Variants in TAPBPL observed in about 807,000 individuals in gnomAD.
TAPBPL encodes the protein TAP binding protein like.
A neutral mutation model predicts 44.8 loss-of-function variants in TAPBPL; 32 were observed. The ratio of observed to expected loss-of-function variants is 0.71; its 90% CI spans 0.54 to 0.96. The LOEUF (loss-of-function observed/expected upper bound fraction) is 0.96. Ranked by LOEUF, TAPBPL falls within the 40% of genes least tolerant of loss-of-function variation. The pLI, the probability that TAPBPL is intolerant of heterozygous loss-of-function variation, is 0.00. For synonymous variants in TAPBPL, 230 were observed against 240.7 expected, an observed-to-expected ratio of 0.96 and a Z score of 0.41; for missense variants, 520 against 586.6, an observed-to-expected ratio of 0.89 and a Z score of 1.17.
chr12:6,454,599 C>T (rs1414798280), intron 3 of TAPBPL, among the ~76,000 whole-genome samples: 2 of 152,150 alleles, frequency 1.3e-5, no homozygotes, highest in African/African-American at 4.8e-5. Flanking sequence ...CACTGGGCTG[C>T]CATGAGGAAA....
downstream of TAPBPL, chr12:6,467,201 T>C (rs1192949957): frequency 6.2e-6 from 1 of 162,574 alleles, no homozygotes; most frequent in African/African-American, 2.4e-5. Context: ...ACCAGTAGAG[T>C]GGGGTGTTGC....
downstream of TAPBPL, among the ~76,000 whole-genome samples, chr12:6,469,471 T>G (rs147277928): frequency 3.9e-3 from 593 of 152,354 alleles, 1 homozygote; most frequent in Non-Finnish European, 5.1e-3. Flanking sequence ...AACACTCATA[T>G]CTGGTTAAAA....
chr12:6,458,993 T>C (rs1339101502), intron 5 of TAPBPL, 46 bp downstream of exon 5: 11 of 1,582,650 alleles, frequency 7.0e-6, no homozygotes, highest in Non-Finnish European at 8.6e-6. Context: ...CTAGGGCTCA[T>C]GGCTCTCCTG....
chr12:6,469,193 C>T (rs1945706601), downstream of TAPBPL, among the ~76,000 whole-genome samples: 1 of 152,162 alleles, frequency 6.6e-6, no homozygotes, highest in South Asian at 2.1e-4. Context: ...TCATGGGAGC[C>T]ACAAGACTCT....
chr12:6,452,349 G>A (rs1283885513), intron 1 of TAPBPL, 37 bp downstream of exon 1: 1 of 1,557,360 alleles, frequency 6.4e-7, no homozygotes, highest in Non-Finnish European at 8.7e-7. Context: ...GCTGGGAGAA[G>A]AGCTACTGAA....
chr12:6,465,934 C>T, downstream of TAPBPL: 1 of 1,614,256 alleles, frequency 6.2e-7, no homozygotes. Flanking sequence ...GCTCGGTCAT[C>T]CAGCTCTGAC....
downstream of TAPBPL, chr12:6,465,842 C>T: frequency 1.2e-6 from 2 of 1,613,958 alleles, no homozygotes; most frequent in Non-Finnish European, 1.7e-6. Context: ...GAAAATTCAC[C>T]TTGCAGTTTT....
At chr12:6,470,024 C>G (rs532893795), downstream of TAPBPL, among the ~76,000 whole-genome samples, 1 of 152,290 alleles carries the variant, frequency 6.6e-6, no homozygotes, top group African/African-American at 2.4e-5. Context: ...TGCAGCTTTG[C>G]TCACTGCCAT....
chr12:6,458,854 G>A lies in TAPBPL; in HGVS notation c.1114G>A (p.Glu372Lys), dbSNP rs760744447. 57 of 1,614,038 alleles carry A rather than the reference G, an allele frequency of 3.5e-5. No homozygotes were observed. The highest frequency in any genetic ancestry group is 6.7e-5 in the Admixed American group (4 of 60,000). ...TYSISSSLTA[E>K]PGSAGATYTC... ...CAGCATCTCCTCCTCTCTCACCGCA[G>A]AACCTGGCTCTGCAGGTGCCACTTA... The change falls in exon 5 of 7, where the codon GAA becomes AAA. Residue 372 changes from glutamate to lysine, a missense_variant. By Grantham distance (56) the Glu-to-Lys change is moderately conservative. Transcript: ENST00000266556.
chr12:6,463,492 CCTT>C, downstream of TAPBPL: 4 of 1,038,672 alleles, frequency 3.9e-6, no homozygotes, highest in Non-Finnish European at 4.6e-6. The surrounding 1 kb of genome is among the most constrained non-coding windows in gnomAD (Gnocchi z 4.0). Flanking sequence ...CCCTCACGCT[CCTT>C]CATCAACAGG....
Position 6,453,249 on chromosome 12 carries a change from G to A in TAPBPL, c.247G>A (p.Gly83Arg). Reference sequence around the variant, plus strand: ...CCTGGAGGACTTCACCGATTTCCAAGGGGGCACACTGGCCCAAGATGACCC... The same window carrying A: ...CCTGGAGGACTTCACCGATTTCCAAAGGGGCACACTGGCCCAAGATGACCC... ...GSLEDFTDFQGGTLAQDDPPI... is the reference protein window; with the variant it reads ...GSLEDFTDFQRGTLAQDDPPI... The change falls in exon 2 of 7, where the codon GGG (glycine) becomes AGG (arginine). Residue 83 changes from glycine to arginine, a missense_variant. Coordinates refer to ENST00000266556, the MANE Select transcript of TAPBPL (RefSeq NM_018009.5). The surrounding 1 kb of genome is among the most constrained non-coding windows in gnomAD (Gnocchi z 4.8). 1.2e-6 allele frequency: 2 copies of A among 1,614,060 alleles called. No individual in the cohort carries two copies. Among genetic ancestry groups the A allele is most frequent in the Non-Finnish European group, 1.7e-6 (2 of 1,179,986 alleles).
At chr12:6,466,449 G>A (rs1445716412), downstream of TAPBPL, 8 of 1,368,014 alleles carry the variant, frequency 5.8e-6, no homozygotes, top group Non-Finnish European at 7.9e-6. Flanking sequence ...TCAAGAGGCT[G>A]AAGTGGGAGG....
In TAPBPL at chr12:6,458,850, C is replaced by A. The variant is rs143334486; in HGVS notation, c.1110C>A (p.Thr370=). ...AGTYSISSSL[T]AEPGSAGATY... is the part of the protein sequence containing the mutation. The stretch of plus-strand genomic sequence containing the variant: ...CCTACAGCATCTCCTCCTCTCTCAC[C>A]GCAGAACCTGGCTCTGCAGGTGCCA... The change falls in exon 5 of 7, where the codon ACC becomes ACA. Residue 370 remains threonine, a synonymous_variant. Transcript: ENST00000266556. 4.3e-6 allele frequency: 7 copies of A among 1,614,174 alleles called. 1 individual carries two copies. The highest frequency in any genetic ancestry group is 3.3e-4 in the Middle Eastern group (2 of 6,062).
chr12:6,457,889 C>A, intron 4 of TAPBPL, 145 bp downstream of exon 4: 1 of 901,486 alleles, frequency 1.1e-6, no homozygotes, highest in Non-Finnish European at 1.6e-6. Context: ...ACCATGGAAG[C>A]ACAGATGGCA....
intron 3 of TAPBPL, among the ~76,000 whole-genome samples, chr12:6,456,999 G>A (rs1413669769): frequency 6.6e-6 from 1 of 152,202 alleles, no homozygotes; most frequent in Non-Finnish European, 1.5e-5. Context: ...CAGCATCCTT[G>A]CTTAAGCAGG....
At chr12:6,456,569 G>C (rs1949708056) in intron 3 of TAPBPL, among the ~76,000 whole-genome samples, 1 of 151,972 alleles carries the variant, frequency 6.6e-6, no homozygotes, top group Non-Finnish European at 1.5e-5. Flanking sequence ...TCTCCATGTT[G>C]GTCAGGCTGG....
At chr12:6,452,492 A>T in intron 1 of TAPBPL, 180 bp downstream of exon 1, 221 of 1,314,834 alleles carry the variant, frequency 1.7e-4, no homozygotes, top group Middle Eastern at 9.2e-4. Flanking sequence ...GTGTGGAGGG[A>T]GGGTGGGGAC....
intron 3 of TAPBPL, among the ~76,000 whole-genome samples, chr12:6,456,268 A>C (rs1949698866): frequency 6.6e-6 from 1 of 152,062 alleles, no homozygotes; most frequent in Admixed American, 6.6e-5. Context: ...GGTCTTGTAG[A>C]GTATCCCAAC....
chr12:6,453,786 G>A lies in TAPBPL; in HGVS notation c.565+70G>A. ...TAATTCCAGAATTTTGGGATACCGA[G>A]GTCGGTGGATCACCTGAGGTCAGGA... On this transcript the variant is annotated intron_variant, in intron 3 of 6. Coordinates refer to ENST00000266556, the MANE Select transcript of TAPBPL (RefSeq NM_018009.5). The surrounding 1 kb of genome is among the most constrained non-coding windows in gnomAD (Gnocchi z 4.8). 9 of 1,470,560 alleles carry A rather than the reference G, an allele frequency of 6.1e-6. No homozygotes were observed. The South Asian group carries it at 1.1e-4, about 18-fold the overall frequency. The allele number at this position is 1,470,560 out of a possible 1,614,324, so 91.1% of individuals were successfully genotyped here. A position where few individuals can be genotyped will look rare whatever the true frequency, so the allele number is the denominator to read the frequency against.
Sources: allele counts gnomAD v4.1 joint callset (sites outside exome capture counted in the v4.1 genomes callset), GRCh38; gene constraint gnomAD v4.1.1; non-coding constraint Gnocchi (gnomAD v3.1); transcripts MANE v1.5; gene names NCBI Gene and HGNC (gene_info 2026-07-23, HGNC 2026-07-21).